The following DAB1 variants were observed in gnomAD, a reference collection of about 807,000 sequenced individuals.
DAB1 encodes the protein disabled homolog 1.
Under a neutral mutation model 64.6 loss-of-function variants are expected in DAB1, and 15 were observed. The observed-to-expected ratio is 0.23, with a 90% CI of 0.16 to 0.36. The LOEUF is 0.36. Among genes scored for constraint, DAB1 ranks in the 10% least tolerant of loss-of-function variants. DAB1 has a pLI of 1.00. For synonymous variants in DAB1, 235 were observed against 251.9 expected (o/e 0.93, Z 0.64); for missense variants, 596 against 706.7 (o/e 0.84, Z 1.78).
At chr1:57,320,212 C>T (rs1406089025) in intron 1 of DAB1, among the ~76,000 whole-genome samples, 6 of 152,160 alleles carry the variant, frequency 3.9e-5, no homozygotes, top group Non-Finnish European at 7.3e-5. Context: ...GTGCCTGCTT[C>T]CCCTTTGCCT....
At chr1:57,695,244 AGAAAGAAAGAAAGAAGGAAGGAAG>A (rs1472805194) in intron 6 of DAB1, among the ~76,000 whole-genome samples, 4 of 59,350 alleles carry the variant, frequency 6.7e-5, no homozygotes, top group Admixed American at 5.6e-4. Context: ...AAAGGAAGAA[AGAAAGAAAGAAAGAAGGAAGGAAG>A]GAAGGAAGGA....
chr1:58,105,719 C>T (rs1651592604), intron 5 of DAB1, among the ~76,000 whole-genome samples: 2 of 152,302 alleles, frequency 1.3e-5, no homozygotes, highest in South Asian at 4.1e-4. Flanking sequence ...GTGCAAGGCA[C>T]TTAGGAATAA....
At chr1:58,119,245 TG>T (rs1652589990) in intron 5 of DAB1, among the ~76,000 whole-genome samples, 1 of 151,986 alleles carries the variant, frequency 6.6e-6, no homozygotes, top group Non-Finnish European at 1.5e-5. Context: ...TGTGTGTGTG[TG>T]TGTGTGTGTA....
At chr1:58,331,008 A>G (rs921219406) in intron 4 of DAB1, among the ~76,000 whole-genome samples, 7 of 152,340 alleles carry the variant, frequency 4.6e-5, no homozygotes, top group Admixed American at 6.5e-5. Context: ...TATAGCTGCC[A>G]TAGACTGTGA....
At chr1:58,461,677 C>G (rs1645243663) in intron 3 of DAB1, among the ~76,000 whole-genome samples, 1 of 152,182 alleles carries the variant, frequency 6.6e-6, no homozygotes, top group Admixed American at 6.5e-5. Flanking sequence ...TGGAGATGAA[C>G]AATGGTGGTT....
rs922656802 is a variant in DAB1, at chr1:57,274,735, C to T, written c.67+16229G>A. Reference sequence around the variant, plus strand: ...AGCTGGGACTACAGGCGAGCACCACCACGCCTGACTAATTTTTTGTATTTT... The same window carrying T: ...AGCTGGGACTACAGGCGAGCACCACTACGCCTGACTAATTTTTTGTATTTT... On this transcript the variant is annotated intron_variant, in intron 2 of 14. Coordinates refer to ENST00000371236, the MANE Select transcript of DAB1 (RefSeq NM_001365792.1). Among the ~76,000 whole-genome samples, 9 of 152,086 alleles carry T rather than the reference C, an allele frequency of 5.9e-5. No individual in the cohort carries two copies. The South Asian group carries it at 1.5e-3, about 25-fold the overall frequency.
chr1:58,337,633 G>A (rs901065522), intron 4 of DAB1, among the ~76,000 whole-genome samples: 4 of 152,088 alleles, frequency 2.6e-5, no homozygotes, highest in Non-Finnish European at 5.9e-5. Context: ...ACAGTTTGAG[G>A]GAGGATCAAA....
At chr1:57,174,927 A>C (rs1662141321) in intron 2 of DAB1, among the ~76,000 whole-genome samples, 1 of 152,206 alleles carries the variant, frequency 6.6e-6, no homozygotes, top group African/African-American at 2.4e-5. Flanking sequence ...AAAGGAAGTT[A>C]TTTCTATGAA....
intron 4 of DAB1, among the ~76,000 whole-genome samples, chr1:58,180,810 C>T (rs190933706): frequency 9.1e-4 from 139 of 152,062 alleles, no homozygotes; most frequent in Non-Finnish European, 1.6e-3. Context: ...GATTTTAATG[C>T]GATACTGGTT....
intron 7 of DAB1, among the ~76,000 whole-genome samples, chr1:57,478,891 C>A (rs1446436620): frequency 6.6e-6 from 1 of 151,954 alleles, no homozygotes; most frequent in Non-Finnish European, 1.5e-5. Flanking sequence ...TGAGCCACTG[C>A]GCCCGGCCCG....
At chr1:57,603,922 C>T (rs938718436) in intron 7 of DAB1, among the ~76,000 whole-genome samples, 1 of 152,290 alleles carries the variant, frequency 6.6e-6, no homozygotes, top group African/African-American at 2.4e-5. Context: ...GTATTAAACC[C>T]GACCGTTACC....
At chr1:57,272,614 C>A (rs1376218022) in intron 2 of DAB1, among the ~76,000 whole-genome samples, 1 of 152,180 alleles carries the variant, frequency 6.6e-6, no homozygotes, top group Admixed American at 6.5e-5. Context: ...GATTTGGAAC[C>A]TGCTCCAGGC....
chr1:57,317,442 AAC>A (rs1417496686), intron 1 of DAB1, among the ~76,000 whole-genome samples: 1 of 151,420 alleles, frequency 6.6e-6, no homozygotes, highest in African/African-American at 2.4e-5. Flanking sequence ...GTGTTCTTAA[AAC>A]ACAATTTTTT....
At chr1:57,305,741 G>A (rs949079109) in intron 1 of DAB1, among the ~76,000 whole-genome samples, 3 of 152,006 alleles carry the variant, frequency 2.0e-5, no homozygotes, top group Non-Finnish European at 4.4e-5. Context: ...AGGCGGAGGC[G>A]GGCAGATCAC....
At chr1:58,029,533 G>A (rs1343799821) in intron 5 of DAB1, among the ~76,000 whole-genome samples, 1 of 152,156 alleles carries the variant, frequency 6.6e-6, no homozygotes, top group Non-Finnish European at 1.5e-5. Flanking sequence ...GGAGCCCACA[G>A]GCACCATGTT....
At position 57,917,467 on chromosome 1, in the gene DAB1, G is replaced by A. The variant is rs370788845; in HGVS notation, n.388-33305C>T. On this transcript the variant is annotated intron_variant and non_coding_transcript_variant, in intron 5 of 20. Coordinates refer to the DAB1 transcript ENST00000485760. Reference sequence around the variant, plus strand: ...TAATGAAGGTTAGTGAGAGAACCATGCAAAGGGCTTTGAAAACTTCCAGAA... The same window carrying A: ...TAATGAAGGTTAGTGAGAGAACCATACAAAGGGCTTTGAAAACTTCCAGAA... 4.7e-4 allele frequency among the ~76,000 whole-genome samples: 72 copies of A among 152,302 alleles called. 1 individual carries two copies. The South Asian group carries it at 6.4e-3, about 14-fold the overall frequency.
At chr1:57,303,471 T>G (rs934810311) in intron 1 of DAB1, among the ~76,000 whole-genome samples, 1 of 152,018 alleles carries the variant, frequency 6.6e-6, no homozygotes, top group Admixed American at 6.5e-5. Flanking sequence ...TACATCCAAG[T>G]TGGATATATA....
At chr1:58,182,868 G>C (rs143662491) in intron 4 of DAB1, among the ~76,000 whole-genome samples, 101 of 151,200 alleles carry the variant, frequency 6.7e-4, no homozygotes, top group Middle Eastern at 3.4e-3. Context: ...TGCACATCTT[G>C]TTTTTTTTGT....
At chr1:57,523,611 A>AT (rs1644556846) in intron 7 of DAB1, among the ~76,000 whole-genome samples, 1 of 152,156 alleles carries the variant, frequency 6.6e-6, no homozygotes, top group African/African-American at 2.4e-5. Context: ...GGATGAAAAG[A>AT]TACCACATCC....
Sources: gnomAD v4.1 joint callset for allele counts (sites outside exome capture counted in the v4.1 genomes callset) on GRCh38, gnomAD v4.1.1 for gene constraint, MANE v1.5 for transcripts, NCBI Gene and HGNC (gene_info 2026-07-23, HGNC 2026-07-21) for gene names.